The following NBAS variants were observed in gnomAD, a reference collection of about 807,000 sequenced individuals.
NBAS encodes NAG/BC035112 fusion.
A neutral mutation model predicts 302.5 loss-of-function variants in NBAS; 219 were observed. The observed-to-expected ratio is 0.72, with a 90% CI of 0.65 to 0.81. The LOEUF (loss-of-function observed/expected upper bound fraction) is 0.81. Among genes scored for constraint, NBAS ranks in the 30% least tolerant of loss-of-function variants. NBAS has a pLI of 0.00. For missense variants in NBAS, 2,932 were observed against 2,841.6 expected (o/e 1.03, Z -0.72); for synonymous variants, 1,118 against 1,021.6 (o/e 1.09, Z -1.80).
At chr2:15,438,150 C>T (rs11675805) in intron 21 of NBAS, among the ~76,000 whole-genome samples, 88,122 of 152,132 alleles carry the variant, frequency 0.58, 26,925 homozygotes, top group Non-Finnish European at 0.68. Context: ...CTACATTTCT[C>T]GATCACTTTC....
At chr2:15,134,056 T>TTCTC in the NBAS span, among the ~76,000 whole-genome samples, 265 of 145,738 alleles carry the variant, frequency 1.8e-3, 3 homozygotes, top group East Asian at 3.5e-3. Context: ...GAACATTTCT[T>TTCTC]TCTCTCTCTC....
chr2:14,936,783 C>T, the NBAS span, among the ~76,000 whole-genome samples: 16 of 152,284 alleles, frequency 1.1e-4, no homozygotes, highest in African/African-American at 3.6e-4. Flanking sequence ...AGAAACCTGC[C>T]ATGCAGTAGG....
intron 46 of NBAS, among the ~76,000 whole-genome samples, chr2:15,233,962 C>T (rs927283756): frequency 3.3e-5 from 5 of 152,188 alleles, no homozygotes; most frequent in South Asian, 2.1e-4. Context: ...ATTTCCTGAG[C>T]GTCACTTCTG....
intron 11 of NBAS, among the ~76,000 whole-genome samples, chr2:15,496,453 T>A (rs1208760158): frequency 6.6e-6 from 1 of 152,218 alleles, no homozygotes; most frequent in Non-Finnish European, 1.5e-5. Context: ...AATTGTATAA[T>A]TTAAATGAGT....
chr2:15,230,820 G>A (rs1667352541), intron 47 of NBAS, among the ~76,000 whole-genome samples: 2 of 152,296 alleles, frequency 1.3e-5, no homozygotes, highest in Admixed American at 6.5e-5. Flanking sequence ...TAGTGAGATG[G>A]GCCCTGGAAG....
chr2:14,969,872 G>C, the NBAS span, among the ~76,000 whole-genome samples: 2 of 152,082 alleles, frequency 1.3e-5, no homozygotes. Context: ...GTCAAACTGG[G>C]GAAGGATGCA....
the NBAS span, among the ~76,000 whole-genome samples, chr2:14,992,345 C>A: frequency 1.3e-5 from 2 of 152,076 alleles, no homozygotes; most frequent in Non-Finnish European, 2.9e-5. Flanking sequence ...GAAAATAATT[C>A]CAGGCAGCAC....
chr2:15,048,107 G>A, the NBAS span, among the ~76,000 whole-genome samples: 3 of 152,296 alleles, frequency 2.0e-5, no homozygotes, highest in Middle Eastern at 3.4e-3. Context: ...CATTGTCCCT[G>A]CACTCTCCTG....
At chr2:15,047,507 C>A in the NBAS span, among the ~76,000 whole-genome samples, 1 of 151,972 alleles carries the variant, frequency 6.6e-6, no homozygotes, top group Non-Finnish European at 1.5e-5. Flanking sequence ...TAGGCCCATG[C>A]AAGTGAAGGC....
At chr2:15,114,944 G>T in the NBAS span, among the ~76,000 whole-genome samples, 3 of 152,220 alleles carry the variant, frequency 2.0e-5, no homozygotes, top group Admixed American at 1.3e-4. Flanking sequence ...AGAAGTGGTT[G>T]CCTTTGGGAG....
At chr2:15,157,041 T>C in the NBAS span, among the ~76,000 whole-genome samples, 11 of 152,300 alleles carry the variant, frequency 7.2e-5, no homozygotes, top group East Asian at 1.9e-3. Flanking sequence ...CACAAATTTC[T>C]TGGACTACCT....
chr2:14,918,776 G>A, the NBAS span, among the ~76,000 whole-genome samples: 1 of 152,104 alleles, frequency 6.6e-6, no homozygotes, highest in South Asian at 2.1e-4. Flanking sequence ...AATAGAGAAG[G>A]CTAAGTTTAA....
the NBAS span, among the ~76,000 whole-genome samples, chr2:14,988,906 A>G: frequency 1.5e-4 from 23 of 152,320 alleles, no homozygotes; most frequent in Admixed American, 1.2e-3. Flanking sequence ...TACTTGATAA[A>G]GTGAGGTTAG....
At chr2:14,940,948 G>C in the NBAS span, among the ~76,000 whole-genome samples, 1 of 152,146 alleles carries the variant, frequency 6.6e-6, no homozygotes, top group Admixed American at 6.5e-5. Flanking sequence ...TTATCTTACT[G>C]TCTAGGGCCC....
the NBAS span, among the ~76,000 whole-genome samples, chr2:14,827,609 T>C: frequency 2.0e-5 from 3 of 152,352 alleles, no homozygotes; most frequent in East Asian, 5.8e-4. Context: ...AATGAAATAT[T>C]ATTCAGCCTT....
chr2:15,133,800 C>T, the NBAS span, among the ~76,000 whole-genome samples: 1 of 152,206 alleles, frequency 6.6e-6, no homozygotes, highest in South Asian at 2.1e-4. Context: ...GCATATATTA[C>T]TTTCTCAACT....
chr2:14,928,888 T>C, the NBAS span, among the ~76,000 whole-genome samples: 1 of 152,166 alleles, frequency 6.6e-6, no homozygotes, highest in Non-Finnish European at 1.5e-5. Context: ...TCTAGAGGAC[T>C]TGGAGCACAA....
chr2:15,118,971 G>T, the NBAS span, among the ~76,000 whole-genome samples: 3 of 152,170 alleles, frequency 2.0e-5, no homozygotes, highest in Non-Finnish European at 4.4e-5. Context: ...GAGGTAGTGG[G>T]GTACCCATGG....
At chr2:14,790,323 T>C in the NBAS span, among the ~76,000 whole-genome samples, 1 of 152,218 alleles carries the variant, frequency 6.6e-6, no homozygotes, top group Non-Finnish European at 1.5e-5. Context: ...AGTTCTGAGA[T>C]TCTATAATCC....
Sources: gnomAD v4.1 joint callset for allele counts (sites outside exome capture counted in the v4.1 genomes callset) on GRCh38, gnomAD v4.1.1 for gene constraint, MANE v1.5 for transcripts, NCBI Gene and HGNC (gene_info 2026-07-23, HGNC 2026-07-21) for gene names.